SMIM35: variants seen among roughly 807,000 people sequenced by gnomAD.
SMIM35 encodes small integral membrane protein 35, also known as TMPRSS4 antisense RNA 1 (non-protein coding).
chr11:118,048,959 A>AAAAAAAAAAAAAAAC (rs1208788629), intron 1 of SMIM35, among the ~76,000 whole-genome samples: 1 of 151,394 alleles, frequency 6.6e-6, no homozygotes, highest in Non-Finnish European at 1.5e-5. Context: ...AAAAAAAAAA[A>AAAAAAAAAAAAAAAC]AAAAAGCAAG....
intron 1 of SMIM35, among the ~76,000 whole-genome samples, chr11:118,020,420 T>C (rs931005046): frequency 1.3e-4 from 20 of 152,198 alleles, no homozygotes; most frequent in African/African-American, 9.7e-5. Flanking sequence ...TCAGTGAAAA[T>C]CTCTATTAGA....
intron 1 of SMIM35, chr11:118,031,982 T>G (rs767437446): frequency 6.7e-6 from 1 of 149,666 alleles, no homozygotes; most frequent in Non-Finnish European, 1.5e-5. Flanking sequence ...AACAAAAAAA[T>G]ACAAAAAAAA....
chr11:118,065,445 A>C (rs529348273), intron 1 of SMIM35, among the ~76,000 whole-genome samples: 4 of 152,226 alleles, frequency 2.6e-5, no homozygotes, highest in Non-Finnish European at 5.9e-5. Flanking sequence ...ACTTCCTAGA[A>C]CTAAATCAAA....
intron 1 of SMIM35, among the ~76,000 whole-genome samples, chr11:118,078,463 A>T (rs1489653790): frequency 6.6e-6 from 1 of 152,194 alleles, no homozygotes; most frequent in Non-Finnish European, 1.5e-5. Context: ...AAATTCTGGC[A>T]AGAACAATTC....
intron 1 of SMIM35, among the ~76,000 whole-genome samples, chr11:118,048,578 GAAGGAAGGAAGGAAGGAAGC>G (rs1287221061): frequency 4.8e-4 from 50 of 104,992 alleles, no homozygotes; most frequent in South Asian, 1.5e-3. Context: ...AGGAAGGAAG[GAAGGAAGGAAGGAAGGAAGC>G]AAGGAAGCAA....
intron 1 of SMIM35, among the ~76,000 whole-genome samples, chr11:118,058,701 G>A (rs1044458429): frequency 6.6e-6 from 1 of 152,184 alleles, no homozygotes; most frequent in African/African-American, 2.4e-5. Context: ...CTGGACCCGA[G>A]GGCTGCGGCG....
chr11:118,051,503 C>G (rs887524062), intron 1 of SMIM35, among the ~76,000 whole-genome samples: 2 of 152,244 alleles, frequency 1.3e-5, no homozygotes, highest in African/African-American at 4.8e-5. Context: ...ATGAGACCCT[C>G]ATATTGAACA....
intron 1 of SMIM35, among the ~76,000 whole-genome samples, chr11:118,026,952 A>G (rs1451972903): frequency 6.6e-6 from 1 of 151,410 alleles, no homozygotes; most frequent in Non-Finnish European, 1.5e-5. Context: ...ACAGGTGAAA[A>G]TTCTCAGATG....
intron 1 of SMIM35, among the ~76,000 whole-genome samples, chr11:118,016,098 A>G (rs2058180960): frequency 6.6e-6 from 1 of 152,174 alleles, no homozygotes; most frequent in African/African-American, 2.4e-5. Context: ...TTCTACCTGG[A>G]AAAAGCTCTA....
At chr11:118,068,678 T>C (rs1051774254) in intron 1 of SMIM35, among the ~76,000 whole-genome samples, 6 of 152,182 alleles carry the variant, frequency 3.9e-5, no homozygotes, top group Non-Finnish European at 7.3e-5. Flanking sequence ...GGATGGTACC[T>C]GCATGTGGAA....
intron 1 of SMIM35, among the ~76,000 whole-genome samples, chr11:118,055,513 T>C (rs560259399): frequency 1.3e-5 from 2 of 152,324 alleles, no homozygotes; most frequent in African/African-American, 4.8e-5. Context: ...AATTCATACC[T>C]GAATGTGATG....
rs377179849 is a variant in SMIM35, at chr11:118,034,956, AT to A, written c.8-19148del. 9.2e-3 allele frequency among the ~76,000 whole-genome samples: 1,308 copies of A among 141,758 alleles called. 7 individuals carry two copies. Among genetic ancestry groups the A allele is most frequent in the African/African-American group, 0.023 (873 of 38,350 alleles). The allele number at this position is 141,758 out of a possible 152,430, so 93.0% of individuals were successfully genotyped here. On this transcript the variant is annotated intron_variant, in intron 1 of 4. Transcript: ENST00000689828. ...TAAGTGGTGAGGAGTTTCCTTCTGA[AT>A]TTTTTTTTTTTTTTGACAGAGTTTC...
Position 118,014,757 on chromosome 11 carries a change from A to G in SMIM35, c.125-16T>C. The G allele has an allele frequency of 2.5e-6, 1 of 398,944 alleles. No individual in the cohort carries two copies. The highest frequency in any genetic ancestry group is 3.6e-5 in the East Asian group (1 of 28,072). The allele number at this position is 398,944 out of a possible 1,614,324, so 24.7% of individuals were successfully genotyped here. ...AAATTAGGCCCTAGGAAGACAATCC[A>G]AAAAGAGAGGGTTAGCACCTCCAGG... On this transcript the variant is annotated splice_polypyrimidine_tract_variant and intron_variant, in intron 2 of 4. Transcript: ENST00000689828.
chr11:118,057,126 C>T (rs1379774767), intron 1 of SMIM35, among the ~76,000 whole-genome samples: 1 of 152,158 alleles, frequency 6.6e-6, no homozygotes, highest in Admixed American at 6.5e-5. Context: ...GGCATAGCTA[C>T]CTGCTGGAGA....
At chr11:118,051,260 G>T (rs780061586) in intron 1 of SMIM35, among the ~76,000 whole-genome samples, 1 of 152,200 alleles carries the variant, frequency 6.6e-6, no homozygotes, top group Non-Finnish European at 1.5e-5. Flanking sequence ...ACAGATGGGA[G>T]TTTCTCACAC....
At chr11:118,086,642 A>C (rs1945579089) in intron 1 of SMIM35, 109 bp downstream of exon 1, 1 of 152,330 alleles carries the variant, frequency 6.6e-6, no homozygotes, top group Non-Finnish European at 1.5e-5. Flanking sequence ...ATCTCTGAGG[A>C]CCTCCCATGC....
intron 1 of SMIM35, among the ~76,000 whole-genome samples, chr11:118,017,350 C>T (rs1030486346): frequency 6.6e-6 from 1 of 152,160 alleles, no homozygotes; most frequent in African/African-American, 2.4e-5. Context: ...AGAATAATTG[C>T]ATATGGATGC....
intron 4 of SMIM35, among the ~76,000 whole-genome samples, chr11:118,008,984 A>G (rs764191397): frequency 2.0e-5 from 3 of 152,234 alleles, no homozygotes; most frequent in Non-Finnish European, 4.4e-5. Context: ...GCCTGAGACT[A>G]TCTGTATTTA....
intron 1 of SMIM35, among the ~76,000 whole-genome samples, chr11:118,065,123 C>A (rs1398249402): frequency 6.6e-6 from 1 of 152,206 alleles, no homozygotes; most frequent in African/African-American, 2.4e-5. Context: ...GTCAAACACC[C>A]GTCCCTCCCC....
Sources: gnomAD v4.1 joint callset for allele counts (sites outside exome capture counted in the v4.1 genomes callset) on GRCh38, gnomAD v4.1.1 for gene constraint, MANE v1.5 for transcripts, NCBI Gene and HGNC (gene_info 2026-07-23, HGNC 2026-07-21) for gene names.